Variants in ILRUN observed in about 807,000 individuals in gnomAD.
The protein encoded by ILRUN is protein ILRUN.
Under a neutral mutation model 33.8 loss-of-function variants are expected in ILRUN, and 3 were observed. The ratio of observed to expected loss-of-function variants is 0.09; its 90% CI spans 0.04 to 0.23. The LOEUF is 0.23. Ranked by LOEUF, ILRUN falls within the 10% of genes least tolerant of loss-of-function variation. The pLI is 1.00. For synonymous variants in ILRUN, 124 were observed against 138.9 expected, an observed-to-expected ratio of 0.89 and a Z score of 0.75; for missense variants, 210 against 375.1, an observed-to-expected ratio of 0.56 and a Z score of 3.64.
intron 1 of ILRUN, among the ~76,000 whole-genome samples, chr6:34,670,410 T>G (rs1272151669): frequency 6.6e-6 from 1 of 152,158 alleles, no homozygotes. Context: ...TAACTTATGG[T>G]ATGCAAATTA....
In ILRUN at chr6:34,616,986, G is replaced by A. The variant is rs970062112; in HGVS notation, c.512-10082C>T. 5.5e-6 allele frequency: 3 copies of A among 548,384 alleles called. No individual in the cohort carries two copies. In the African/African-American group the frequency reaches 5.7e-5, roughly 10 times the overall value. The allele number at this position is 548,384 out of a possible 1,614,324, so 34.0% of individuals were successfully genotyped here. The stretch of plus-strand genomic sequence containing the variant: ...GTAAATGAACTAATCTACAAGCATG[G>A]TTATGGCAAAATCAATAAGAAGTGA... On this transcript the variant is annotated intron_variant, in intron 3 of 4. Coordinates refer to ENST00000374023, the MANE Select transcript of ILRUN (RefSeq NM_024294.4).
At chr6:34,602,847 T>A (rs1177369951) in intron 4 of ILRUN, among the ~76,000 whole-genome samples, 1 of 152,170 alleles carries the variant, frequency 6.6e-6, no homozygotes, top group East Asian at 1.9e-4. Context: ...AGGGCAGGCG[T>A]TCCCCCCAGG....
intron 1 of ILRUN, among the ~76,000 whole-genome samples, chr6:34,680,768 T>A (rs1173575702): frequency 1.3e-5 from 2 of 152,074 alleles, no homozygotes; most frequent in East Asian, 3.8e-4. Context: ...TTTTTCTATT[T>A]TTTTTAACTT....
intron 1 of ILRUN, among the ~76,000 whole-genome samples, chr6:34,668,841 A>AT (rs34742011): frequency 0.2 from 26,923 of 132,580 alleles, 2,857 homozygotes; most frequent in East Asian, 0.33. Flanking sequence ...TGCCTGGCTA[A>AT]TTTTTTTTTT....
At position 34,622,637 on chromosome 6, in the gene ILRUN, C is replaced by T. The variant is rs115158930; in HGVS notation, c.512-15733G>A. ...TGGTGAGGATGTGGAGAAATTAGAA[C>T]GCTTGTGTGCTGTTAGGAATGTAAA... On this transcript the variant is annotated intron_variant, in intron 3 of 4. Transcript: ENST00000374023. 4.3e-3 allele frequency among the ~76,000 whole-genome samples: 658 copies of T among 152,114 alleles called. 4 individuals are homozygous for T. Among genetic ancestry groups the T allele is most frequent in the African/African-American group, 0.014 (580 of 41,478 alleles).
chr6:34,681,688 TA>T (rs1763360156), intron 1 of ILRUN, among the ~76,000 whole-genome samples: 1 of 152,132 alleles, frequency 6.6e-6, no homozygotes. Context: ...AACAATATTG[TA>T]AATAATATTG....
At chr6:34,673,385 C>T (rs959378990) in intron 1 of ILRUN, among the ~76,000 whole-genome samples, 1 of 152,048 alleles carries the variant, frequency 6.6e-6, no homozygotes, top group African/African-American at 2.4e-5. Context: ...TCATAACCTA[C>T]TACTGAGAAT....
intron 3 of ILRUN, chr6:34,616,932 T>C (rs893062455): frequency 8.5e-6 from 5 of 585,412 alleles, no homozygotes; most frequent in African/African-American, 3.7e-5. Flanking sequence ...GAACCATATA[T>C]TGCATAGGAG....
At chr6:34,674,544 T>C (rs957164397) in intron 1 of ILRUN, among the ~76,000 whole-genome samples, 5 of 151,984 alleles carry the variant, frequency 3.3e-5, no homozygotes, top group African/African-American at 1.2e-4. Context: ...TTAAAAAAAA[T>C]TGAGAGAGAG....
Position 34,667,612 on chromosome 6 carries a change from G to A in ILRUN, c.159-12833C>T, listed in dbSNP as rs184188415. Among the ~76,000 whole-genome samples, 105 of 152,202 alleles carry A rather than the reference G, an allele frequency of 6.9e-4. 1 individual carries two copies. The highest frequency in any genetic ancestry group is 5.9e-5 in the Non-Finnish European group (4 of 68,002). On this transcript the variant is annotated intron_variant, in intron 1 of 4. Transcript: ENST00000374023. ...TAACTATAAAGGAGAAAAACAGGTG[G>A]ACACTATCTTAACCAAATATTCAAT...
At chr6:34,591,288 C>T (rs954016116) in intron 4 of ILRUN, among the ~76,000 whole-genome samples, 1 of 152,092 alleles carries the variant, frequency 6.6e-6, no homozygotes, top group African/African-American at 2.4e-5. Flanking sequence ...CCCAGGAGCT[C>T]GAGACTAGCC....
intron 1 of ILRUN, among the ~76,000 whole-genome samples, chr6:34,658,944 T>C (rs1039461471): frequency 6.6e-6 from 1 of 152,218 alleles, no homozygotes; most frequent in Non-Finnish European, 1.5e-5. Context: ...ATTATAATGT[T>C]GGCTGTGAAG....
At chr6:34,692,748 T>A (rs899106957) in intron 1 of ILRUN, among the ~76,000 whole-genome samples, 1 of 152,162 alleles carries the variant, frequency 6.6e-6, no homozygotes, top group Non-Finnish European at 1.5e-5. Context: ...GGCAACATAG[T>A]GCGACCCATC....
rs1286272938 is a variant in ILRUN, at chr6:34,646,022, AGACTGTAAT to A, written c.511+570_511+578del. ...ATCATTAAAAGGTCAGCTGGTATGA[AGACTGTAAT>A]GAGGCTACTGGATTTGGAAACAGGG... On this transcript the variant is annotated intron_variant, in intron 3 of 4. Coordinates refer to ENST00000374023, the MANE Select transcript of ILRUN (RefSeq NM_024294.4). This position sits in a 1 kb window ranked among gnomAD's most constrained non-coding sequence, Gnocchi z 4.9. Among the ~76,000 whole-genome samples the A allele has an allele frequency of 1.3e-5, 2 of 152,254 alleles. No homozygotes were observed. Among genetic ancestry groups the A allele is most frequent in the Non-Finnish European group, 2.9e-5 (2 of 68,038 alleles).
intron 1 of ILRUN, among the ~76,000 whole-genome samples, chr6:34,675,323 C>T (rs1763205475): frequency 6.6e-6 from 1 of 152,010 alleles, no homozygotes; most frequent in South Asian, 2.1e-4. Context: ...AGGTGCAAAA[C>T]AAGCCCAAAT....
intron 2 of ILRUN, among the ~76,000 whole-genome samples, chr6:34,648,195 G>A (rs1399054811): frequency 6.6e-6 from 1 of 151,748 alleles, no homozygotes; most frequent in Admixed American, 6.6e-5. Context: ...ATCTTTTTTT[G>A]GAATATATAC....
intron 1 of ILRUN, among the ~76,000 whole-genome samples, chr6:34,658,490 C>CTTTTTTTTT (rs71538252): frequency 7.6e-6 from 1 of 130,886 alleles, no homozygotes; most frequent in African/African-American, 2.9e-5. Context: ...TTTTCTTTTT[C>CTTTTTTTTT]TTTTTTTTTT....
chr6:34,682,327 G>A (rs1279499382), intron 1 of ILRUN, among the ~76,000 whole-genome samples: 4 of 143,440 alleles, frequency 2.8e-5, no homozygotes, highest in Middle Eastern at 7.5e-3. Context: ...GCGCGATCTC[G>A]GCCCACTGCA....
chr6:34,651,791 T>A (rs976053755), intron 2 of ILRUN, among the ~76,000 whole-genome samples: 4 of 58,072 alleles, frequency 6.9e-5, no homozygotes, highest in African/African-American at 4.3e-4. Context: ...CCAAAAAACT[T>A]TTTTTTTTTT....
Sources: gnomAD v4.1 joint callset for allele counts (sites outside exome capture counted in the v4.1 genomes callset) on GRCh38, gnomAD v4.1.1 for gene constraint, Gnocchi (gnomAD v3.1) non-coding constraint, MANE v1.5 for transcripts, NCBI Gene and HGNC (gene_info 2026-07-23, HGNC 2026-07-21) for gene names.